The following NEO1 variants were observed in gnomAD, a reference collection of about 807,000 sequenced individuals.
NEO1 encodes neogenin.
NEO1 carries 63 observed loss-of-function variants against 159.7 expected under a neutral mutation model. That is an observed-to-expected ratio of 0.39 (90% CI 0.32 to 0.49). NEO1 has a LOEUF of 0.49. Among genes scored for constraint, NEO1 ranks in the 20% least tolerant of loss-of-function variants. The pLI, the probability that NEO1 is intolerant of heterozygous loss-of-function variation, is 0.85. For synonymous variants in NEO1, 633 were observed against 662.0 expected, an observed-to-expected ratio of 0.96 and a Z score of 0.67; for missense variants, 1,615 against 1,831.0, an observed-to-expected ratio of 0.88 and a Z score of 2.15.
intron 4 of NEO1, among the ~76,000 whole-genome samples, chr15:73,129,596 AT>A (rs1332609835): frequency 6.6e-6 from 1 of 152,196 alleles, no homozygotes; most frequent in Non-Finnish European, 1.5e-5. Context: ...AATGGATCCC[AT>A]TCACTAAGTA....
rs891339571 is a variant in NEO1, at chr15:73,166,469, G to A, written c.1016-9934G>A. 4.7e-4 allele frequency among the ~76,000 whole-genome samples: 71 copies of A among 152,124 alleles called. 1 individual carries two copies. The highest frequency in any genetic ancestry group is 1.9e-4 in the East Asian group (1 of 5,168). ...TGCAGGGCACCAAACAAGGAGAATC[G>A]GATAGCTCATGCTTAAGACCTGAAC... is the stretch of plus-strand genomic sequence containing the variant. On this transcript the variant is annotated intron_variant, in intron 5 of 28. Transcript: ENST00000261908.
At chr15:73,162,389 T>C in intron 5 of NEO1, 1 of 155,306 alleles carries the variant, frequency 6.4e-6, no homozygotes, top group Non-Finnish European at 1.4e-5. Flanking sequence ...TTTGTTTTGT[T>C]GTTGTTGTTG....
At chr15:73,107,830 G>C (rs941267965) in intron 1 of NEO1, among the ~76,000 whole-genome samples, 1 of 152,210 alleles carries the variant, frequency 6.6e-6, no homozygotes, top group Non-Finnish European at 1.5e-5. Context: ...ATGTGCATCA[G>C]TATTGGGTCT....
chr15:73,130,155 A>G (rs1193822501), intron 4 of NEO1, among the ~76,000 whole-genome samples: 2 of 152,046 alleles, frequency 1.3e-5, no homozygotes, highest in South Asian at 2.1e-4. Flanking sequence ...TGTATTTTTC[A>G]TAGAGACGGG....
chr15:73,164,584 T>C (rs2034439697), intron 5 of NEO1, among the ~76,000 whole-genome samples: 2 of 152,362 alleles, frequency 1.3e-5, no homozygotes, highest in South Asian at 4.1e-4. Context: ...CAATAGCTAC[T>C]CTCTGACAGG....
chr15:73,100,011 C>T (rs1041078733), intron 1 of NEO1, among the ~76,000 whole-genome samples: 8 of 152,138 alleles, frequency 5.3e-5, no homozygotes, highest in Non-Finnish European at 8.8e-5. Flanking sequence ...TGTTATTTTA[C>T]GTCTTCCTCT....
In NEO1 at chr15:73,293,560, G is replaced by C; in HGVS notation, c.3901+12G>C. ...GGCCAATTCCACAGGTGAGAGATGA[G>C]GATCAAGCCCAGATGGAAACCATTC... On this transcript the variant is annotated intron_variant, in intron 26 of 28. Coordinates refer to ENST00000261908, the MANE Select transcript of NEO1 (RefSeq NM_002499.4). 1 of 1,611,084 alleles carries C rather than the reference G, an allele frequency of 6.2e-7. No homozygotes were observed. Among genetic ancestry groups the C allele is most frequent in the Non-Finnish European group, 8.5e-7 (1 of 1,177,958 alleles).
At chr15:73,164,816 C>T (rs2034458675) in intron 5 of NEO1, among the ~76,000 whole-genome samples, 1 of 152,178 alleles carries the variant, frequency 6.6e-6, no homozygotes, top group Non-Finnish European at 1.5e-5. Context: ...GGGATATGGT[C>T]ATACCATTGA....
chr15:73,226,203 TG>T (rs2038581378), intron 7 of NEO1, among the ~76,000 whole-genome samples: 1 of 152,132 alleles, frequency 6.6e-6, no homozygotes, highest in African/African-American at 2.4e-5. Context: ...CCACTTCCTG[TG>T]GGTCCTCTCG....
At chr15:73,261,498 AC>A (rs757480019) in intron 15 of NEO1, among the ~76,000 whole-genome samples, 2 of 152,216 alleles carry the variant, frequency 1.3e-5, no homozygotes, top group Non-Finnish European at 2.9e-5. Context: ...AAGTGAATAT[AC>A]AAAAACAGTT....
chr15:73,198,624 G>T (rs549969265), intron 7 of NEO1, among the ~76,000 whole-genome samples: 22 of 151,894 alleles, frequency 1.4e-4, no homozygotes, highest in Admixed American at 9.8e-4. Context: ...TTTAGGTCCA[G>T]AAAAATCTTA....
intron 7 of NEO1, among the ~76,000 whole-genome samples, chr15:73,220,611 G>T (rs1480949316): frequency 6.6e-6 from 1 of 152,138 alleles, no homozygotes. Flanking sequence ...ATATTTCTTG[G>T]AGGATTTGTT....
chr15:73,104,780 T>C (rs184880639), intron 1 of NEO1, among the ~76,000 whole-genome samples: 254 of 152,182 alleles, frequency 1.7e-3, no homozygotes, highest in African/African-American at 5.8e-3. Flanking sequence ...CTTACAGTAA[T>C]GGTGGTGGAA....
intron 9 of NEO1, 79 bp downstream of exon 9, chr15:73,244,577 C>T (rs1237884445): frequency 3.5e-6 from 5 of 1,443,894 alleles, no homozygotes; most frequent in Non-Finnish European, 4.7e-6. Flanking sequence ...CCTTGCACAC[C>T]ATAGGGGAGC....
chr15:73,213,865 T>C (rs1390711819), intron 7 of NEO1, among the ~76,000 whole-genome samples: 9 of 152,214 alleles, frequency 5.9e-5, no homozygotes, highest in Non-Finnish European at 1.5e-5. Context: ...ATAGTGGTTG[T>C]ATTAGTTTAC....
chr15:73,276,600 T>G (rs898817638), intron 21 of NEO1, among the ~76,000 whole-genome samples: 6 of 152,238 alleles, frequency 3.9e-5, no homozygotes, highest in African/African-American at 7.2e-5. Context: ...TATGCCCTTT[T>G]GGATATCCAG....
chr15:73,178,780 C>T (rs1436093486), intron 7 of NEO1, among the ~76,000 whole-genome samples: 1 of 151,884 alleles, frequency 6.6e-6, no homozygotes, highest in African/African-American at 2.4e-5. Flanking sequence ...AATACACTTA[C>T]AAAAAATAAC....
At chr15:73,203,965 A>G (rs1387559436) in intron 7 of NEO1, among the ~76,000 whole-genome samples, 1 of 151,804 alleles carries the variant, frequency 6.6e-6, no homozygotes, top group East Asian at 1.9e-4. Flanking sequence ...GACCTATATC[A>G]TTTTCCTTCT....
chr15:73,274,815 T>A, intron 21 of NEO1, 91 bp downstream of exon 21: 1 of 1,169,534 alleles, frequency 8.6e-7, no homozygotes, highest in Non-Finnish European at 1.2e-6. Flanking sequence ...TTTTTTTTCC[T>A]GAAAAATCAG....
Sources: allele counts gnomAD v4.1 joint callset (sites outside exome capture counted in the v4.1 genomes callset), GRCh38; gene constraint gnomAD v4.1.1; transcripts MANE v1.5; gene names NCBI Gene and HGNC (gene_info 2026-07-23, HGNC 2026-07-21).